Variants in ZMAT5 observed in about 807,000 individuals in gnomAD.
ZMAT5 encodes zinc finger matrin-type protein 5.
A neutral mutation model predicts 28.0 loss-of-function variants in ZMAT5; 23 were observed. That is an observed-to-expected ratio of 0.82 (90% CI 0.59 to 1.16). ZMAT5 has a LOEUF of 1.16. Among genes scored for constraint, ZMAT5 ranks in the 50% most tolerant of loss-of-function variants. ZMAT5 has a pLI of 0.00. For synonymous variants in ZMAT5, 76 were observed against 84.1 expected, an observed-to-expected ratio of 0.90 and a Z score of 0.52; for missense variants, 173 against 212.7, an observed-to-expected ratio of 0.81 and a Z score of 1.16.
At chr22:29,740,148 G>A (rs7290420) in intron 4 of ZMAT5, among the ~76,000 whole-genome samples, 9,164 of 152,230 alleles carry the variant, frequency 0.06, 320 homozygotes, top group Middle Eastern at 0.1. Flanking sequence ...TCTAACTAGA[G>A]GAGTGAATTT....
In ZMAT5 at chr22:29,766,976, G is replaced by A. The variant is rs888978022; in HGVS notation, c.-132C>T. The A allele has an allele frequency of 1.3e-5, 2 of 157,290 alleles. No homozygotes were observed. Among genetic ancestry groups the A allele is most frequent in the Non-Finnish European group, 2.8e-5 (2 of 70,654 alleles). The allele number at this position is 157,290 out of a possible 1,614,324, so 9.7% of individuals were successfully genotyped here. ...GGCTCCCCGGTGGCTGCAGCTCCGG[G>A]CTCCTCCTCCTGCGTCCTCGCGTCG... On this transcript the variant is annotated 5_prime_UTR_variant, in exon 1 of 6. Coordinates refer to ENST00000344318, the MANE Select transcript of ZMAT5 (RefSeq NM_001003692.2).
intron 5 of ZMAT5, among the ~76,000 whole-genome samples, chr22:29,733,644 G>A (rs377660885): frequency 2.6e-5 from 4 of 152,226 alleles, no homozygotes; most frequent in African/African-American, 9.7e-5. Flanking sequence ...GAGTGCCCTA[G>A]CTGCCAGCCA....
chr22:29,731,065 C>G lies in ZMAT5; in HGVS notation c.*160G>C. ...AGGGGAGAGCTGCCCGGTGCAGACC[C>G]AGGACGAGGGCTGCACTTGGTGTGG... is the stretch of plus-strand genomic sequence containing the variant. On this transcript the variant is annotated 3_prime_UTR_variant, in exon 6 of 6. Transcript: ENST00000344318. The G allele has an allele frequency of 4.3e-6, 3 of 702,900 alleles. No homozygotes were observed. The highest frequency in any genetic ancestry group is 6.1e-5 in the East Asian group (2 of 32,810). 43.5% of individuals were successfully genotyped at this position (702,900 alleles called of 1,614,324 possible).
rs755097562 is a variant in ZMAT5, at chr22:29,742,387, G to A, written c.190+31C>T. On this transcript the variant is annotated intron_variant, in intron 3 of 5. Coordinates refer to ENST00000344318, the MANE Select transcript of ZMAT5 (RefSeq NM_001003692.2). ...GGCAGGCTGGATATCGCAGGTCCCCGCAGGGACCTGAGCTGTGCAGAGGAC... is the reference window on the plus strand; with the variant it reads ...GGCAGGCTGGATATCGCAGGTCCCCACAGGGACCTGAGCTGTGCAGAGGAC... 73 of 1,608,916 alleles carry A rather than the reference G, an allele frequency of 4.5e-5. 1 individual carries two copies. Among genetic ancestry groups the A allele is most frequent in the South Asian group, 4.3e-4 (39 of 90,962 alleles).
intron 1 of ZMAT5, 71 bp from the exon 2 acceptor site, chr22:29,748,642 TCCTGAGGGCCAGG>T: frequency 6.4e-7 from 1 of 1,571,276 alleles, no homozygotes; most frequent in Non-Finnish European, 8.6e-7. Flanking sequence ...ACTGAATGCT[TCCTGAGGGCCAGG>T]CCTGAGCCCA....
intron 4 of ZMAT5, among the ~76,000 whole-genome samples, chr22:29,739,298 T>C (rs1169306219): frequency 6.6e-6 from 1 of 151,864 alleles, no homozygotes; most frequent in African/African-American, 2.4e-5. Flanking sequence ...TGGGATGGAG[T>C]CTTGGGCCAG....
intron 3 of ZMAT5, among the ~76,000 whole-genome samples, chr22:29,741,337 G>A (rs751048726): frequency 3.3e-5 from 5 of 152,146 alleles, no homozygotes; most frequent in African/African-American, 1.2e-4. Flanking sequence ...TTCACATCAA[G>A]GCAAAGTCTG....
intron 1 of ZMAT5, among the ~76,000 whole-genome samples, chr22:29,762,444 T>C (rs2068166390): frequency 6.6e-6 from 1 of 152,238 alleles, no homozygotes; most frequent in Admixed American, 6.5e-5. Flanking sequence ...TTCATCTGTA[T>C]TTACAGCCAC....
At chr22:29,743,342 G>A (rs892585191) in intron 2 of ZMAT5, among the ~76,000 whole-genome samples, 1 of 152,110 alleles carries the variant, frequency 6.6e-6, no homozygotes, top group African/African-American at 2.4e-5. Context: ...ACCAGCCACC[G>A]CCGCGGACAG....
Position 29,731,208 on chromosome 22 carries a change from A to G in ZMAT5, c.*17T>C, listed in dbSNP as rs1415070803. The stretch of plus-strand genomic sequence containing the variant: ...TGAGAAAAGTGACCACGTGGGGGTC[A>G]GTCGGGGGCAAGGGGCTCAGCCCCA... On this transcript the variant is annotated 3_prime_UTR_variant, in exon 6 of 6. Coordinates refer to ENST00000344318, the MANE Select transcript of ZMAT5 (RefSeq NM_001003692.2). 6.8e-7 allele frequency: 1 copy of G among 1,480,284 alleles called. No homozygotes were observed. The highest frequency in any genetic ancestry group is 2.7e-5 in the East Asian group (1 of 36,638). The allele number at this position is 1,480,284 out of a possible 1,614,324, so 91.7% of individuals were successfully genotyped here.
intron 1 of ZMAT5, among the ~76,000 whole-genome samples, chr22:29,762,954 G>A (rs1307082492): frequency 2.0e-5 from 3 of 152,152 alleles, no homozygotes; most frequent in Admixed American, 6.6e-5. Context: ...GAGAGGCCAA[G>A]GTGGGAGCAT....
chr22:29,766,752 G>C (rs934848637), intron 1 of ZMAT5, 120 bp downstream of exon 1: 4 of 152,556 alleles, frequency 2.6e-5, no homozygotes, highest in African/African-American at 9.6e-5. Context: ...CCTAGACTTG[G>C]GGCTGGTGCA....
At chr22:29,752,822 C>T (rs2068066595) in intron 1 of ZMAT5, among the ~76,000 whole-genome samples, 3 of 152,210 alleles carry the variant, frequency 2.0e-5, no homozygotes, top group South Asian at 2.1e-4. Flanking sequence ...GGATTACAGT[C>T]GAGAGCCACC....
chr22:29,747,469 G>A (rs1399753824), intron 2 of ZMAT5: 3 of 152,464 alleles, frequency 2.0e-5, no homozygotes, highest in Non-Finnish European at 4.4e-5. Flanking sequence ...TGCTGGATTT[G>A]GTTCCTTCTT....
At chr22:29,735,145 T>G (rs1480443509) in intron 5 of ZMAT5, among the ~76,000 whole-genome samples, 1 of 151,952 alleles carries the variant, frequency 6.6e-6, no homozygotes, top group Non-Finnish European at 1.5e-5. Flanking sequence ...GGGGAGGGGC[T>G]CAAAGCCCAG....
intron 1 of ZMAT5, 116 bp downstream of exon 1, chr22:29,766,756 T>TGGTGCAGGGGACAAGGCGAATA (rs1269193731): frequency 1.3e-5 from 2 of 152,524 alleles, no homozygotes; most frequent in Non-Finnish European, 2.9e-5. Flanking sequence ...GACTTGGGGC[T>TGGTGCAGGGGACAAGGCGAATA]GGTGCAGGGG....
At chr22:29,742,960 AT>A (rs915735289) in intron 2 of ZMAT5, among the ~76,000 whole-genome samples, 10 of 151,524 alleles carry the variant, frequency 6.6e-5, no homozygotes, top group African/African-American at 2.4e-4. Flanking sequence ...CCCAGCTAAT[AT>A]TTTTTATCTT....
At chr22:29,736,095 T>A (rs184547233) in intron 5 of ZMAT5, among the ~76,000 whole-genome samples, 1 of 152,326 alleles carries the variant, frequency 6.6e-6, no homozygotes, top group African/African-American at 2.4e-5. Context: ...AGAGTGAGGA[T>A]GGGACTCATA....
At chr22:29,742,129 T>G (rs377336691) in intron 3 of ZMAT5, among the ~76,000 whole-genome samples, 1 of 152,344 alleles carries the variant, frequency 6.6e-6, no homozygotes, top group East Asian at 1.9e-4. Flanking sequence ...TCAACAAGTC[T>G]ATTCCACCCA....
Sources: gnomAD v4.1 joint callset for allele counts (sites outside exome capture counted in the v4.1 genomes callset) on GRCh38, gnomAD v4.1.1 for gene constraint, MANE v1.5 for transcripts, NCBI Gene and HGNC (gene_info 2026-07-23, HGNC 2026-07-21) for gene names.